Variants in SLC25A36 observed in about 807,000 individuals in gnomAD.
The protein encoded by SLC25A36 is solute carrier family 25 member 36, also known as epididymis secretory sperm binding protein.
A neutral mutation model predicts 35.3 loss-of-function variants in SLC25A36; 24 were observed. That is an observed-to-expected ratio of 0.68 (90% CI 0.49 to 0.96). SLC25A36 has a LOEUF of 0.96. Ranked by LOEUF, SLC25A36 falls within the 40% of genes least tolerant of loss-of-function variation. The pLI, the probability that SLC25A36 is intolerant of heterozygous loss-of-function variation, is 0.00. For missense variants in SLC25A36, 294 were observed against 381.1 expected (o/e 0.77, Z 1.90); for synonymous variants, 141 against 132.2 (o/e 1.07, Z -0.46).
chr3:140,976,411 G>C lies in SLC25A36; in HGVS notation c.894G>C (p.Met298Ile). The change falls in exon 7 of 7, where the codon ATG becomes ATC. Residue 298 changes from methionine to isoleucine, a missense_variant. Met to Ile is a conservative substitution (Grantham distance 10, BLOSUM62 1). This residue lies in a region of SLC25A36 where 109 missense variants were observed against 179.7 expected (regional missense o/e 0.61). Transcript: ENST00000324194. ...GACAGATTCCAAACACAGCCATTATGATGGCCACCTATGAATTGGTGGTTT... is the reference window on the plus strand; with the variant it reads ...GACAGATTCCAAACACAGCCATTATCATGGCCACCTATGAATTGGTGGTTT... Reference protein sequence around the residue: ...LVRQIPNTAIMMATYELVVYL... With the variant: ...LVRQIPNTAIIMATYELVVYL... 1.2e-6 allele frequency: 2 copies of C among 1,613,664 alleles called. No individual in the cohort carries two copies. Among genetic ancestry groups the C allele is most frequent in the Non-Finnish European group, 8.5e-7 (1 of 1,179,838 alleles).
intron 1 of SLC25A36, among the ~76,000 whole-genome samples, chr3:140,948,526 TC>T (rs1395866904): frequency 1.3e-5 from 2 of 152,164 alleles, no homozygotes; most frequent in Non-Finnish European, 2.9e-5. Flanking sequence ...AAGTAGAGTA[TC>T]ACTGTAGGCA....
chr3:140,974,117 G>A, intron 6 of SLC25A36, 112 bp downstream of exon 6: 1 of 714,638 alleles, frequency 1.4e-6, no homozygotes, highest in Admixed American at 2.9e-5. Context: ...TACAATTATT[G>A]GGAGTTCATA....
At chr3:140,950,851 A>T (rs1934299666) in intron 1 of SLC25A36, among the ~76,000 whole-genome samples, 1 of 151,922 alleles carries the variant, frequency 6.6e-6, no homozygotes, top group Non-Finnish European at 1.5e-5. Context: ...TCAGAGAATT[A>T]ACCTTCTGCC....
At chr3:140,948,529 C>T (rs1167173224) in intron 1 of SLC25A36, among the ~76,000 whole-genome samples, 4 of 152,128 alleles carry the variant, frequency 2.6e-5, no homozygotes, top group African/African-American at 9.7e-5. Flanking sequence ...TAGAGTATCA[C>T]TGTAGGCAGA....
rs971032491 is a variant in SLC25A36, at chr3:140,941,875, C to G, written c.-180C>G. 1.8e-5 allele frequency: 9 copies of G among 502,516 alleles called. No individual in the cohort carries two copies. The highest frequency in any genetic ancestry group is 2.9e-5 in the Non-Finnish European group (8 of 280,296). 31.1% of individuals were successfully genotyped at this position (502,516 alleles called of 1,614,324 possible). The stretch of plus-strand genomic sequence containing the variant: ...GGCGGCGCGCTTAGGCAGGCGGTGG[C>G]GCGGCTGGAGTGCCGCGGGGAGGGC... On this transcript the variant is annotated 5_prime_UTR_variant, in exon 1 of 7. Coordinates refer to ENST00000324194, the MANE Select transcript of SLC25A36 (RefSeq NM_001104647.3).
chr3:140,966,785 TTTC>T, intron 4 of SLC25A36: 1 of 383,162 alleles, frequency 2.6e-6, no homozygotes, highest in Non-Finnish European at 5.2e-6. Flanking sequence ...TTGATATTCC[TTTC>T]TTTTTTTTAA....
In SLC25A36 at chr3:140,963,114, ATC is replaced by A. The variant is rs1460730305; in HGVS notation, c.285-9_285-8del. On this transcript the variant is annotated splice_polypyrimidine_tract_variant and intron_variant, in intron 3 of 6. Coordinates refer to ENST00000324194, the MANE Select transcript of SLC25A36 (RefSeq NM_001104647.3). Reference sequence around the variant, plus strand: ...AGAACATGCTTATTGATAAATCTAAATCTCTATTTTAGAGCAATATACTTTGC... The same window carrying A: ...AGAACATGCTTATTGATAAATCTAAATCTATTTTAGAGCAATATACTTTGC... 2.0e-6 allele frequency: 3 copies of A among 1,495,418 alleles called. No individual in the cohort carries two copies. Among genetic ancestry groups the A allele is most frequent in the African/African-American group, 1.4e-5 (1 of 70,184 alleles). The allele number at this position is 1,495,418 out of a possible 1,614,324, so 92.6% of individuals were successfully genotyped here.
At chr3:140,961,439 A>G (rs922853882) in intron 3 of SLC25A36, among the ~76,000 whole-genome samples, 1 of 152,152 alleles carries the variant, frequency 6.6e-6, no homozygotes, top group Non-Finnish European at 1.5e-5. Flanking sequence ...TTTTCATTGT[A>G]TAAACAATGG....
intron 6 of SLC25A36, among the ~76,000 whole-genome samples, 185 bp from the exon 7 acceptor site, chr3:140,976,075 G>A (rs1935035691): frequency 6.6e-6 from 1 of 152,052 alleles, no homozygotes; most frequent in South Asian, 2.1e-4. Flanking sequence ...TAATGTACAT[G>A]ATTTTGGCCA....
chr3:140,976,444 C>T lies in SLC25A36; in HGVS notation c.927C>T (p.Leu309=), dbSNP rs751218990. ...MATYELVVYL[L]NG ...CCTATGAATTGGTGGTTTACCTACT[C>T]AATGGATAGCAGCACGAGGACTGCT... is the stretch of plus-strand genomic sequence containing the variant. Residue 309 remains leucine (L), a synonymous_variant, in exon 7 of 7, where the codon CTC becomes CTT. Coordinates refer to ENST00000324194, the MANE Select transcript of SLC25A36 (RefSeq NM_001104647.3). 13 of 1,610,490 alleles carry T rather than the reference C, an allele frequency of 8.1e-6. No individual in the cohort carries two copies. In the South Asian group the frequency reaches 1.2e-4, roughly 15 times the overall value.
intron 5 of SLC25A36, among the ~76,000 whole-genome samples, chr3:140,971,531 T>C (rs1934901770): frequency 6.6e-6 from 1 of 152,190 alleles, no homozygotes; most frequent in Non-Finnish European, 1.5e-5. Flanking sequence ...GTCTTAGAGA[T>C]GCACCAGGAA....
intron 1 of SLC25A36, among the ~76,000 whole-genome samples, chr3:140,954,139 G>A (rs1019858779): frequency 1.3e-5 from 2 of 152,108 alleles, no homozygotes; most frequent in Non-Finnish European, 2.9e-5. Flanking sequence ...TTTGCTTAAC[G>A]AGGGGGATAA....
chr3:140,965,655 A>G (rs1034880001), intron 4 of SLC25A36: 3 of 151,838 alleles, frequency 2.0e-5, no homozygotes, highest in Admixed American at 6.6e-5. Flanking sequence ...AGTGCATACT[A>G]TAAGAATTTG....
intron 5 of SLC25A36, 76 bp from the exon 6 acceptor site, chr3:140,973,640 A>G (rs1294865248): frequency 2.8e-6 from 3 of 1,072,530 alleles, no homozygotes; most frequent in Admixed American, 3.4e-5. Flanking sequence ...TTCTTTTATT[A>G]TTAGAATGAC....
chr3:140,974,135 T>G (rs1934977248), intron 6 of SLC25A36, 130 bp downstream of exon 6: 3 of 626,964 alleles, frequency 4.8e-6, no homozygotes, highest in Non-Finnish European at 8.1e-6. Flanking sequence ...ATAATGAGAT[T>G]AAATCTGGTT....
At chr3:140,947,766 T>G (rs533039865) in intron 1 of SLC25A36, among the ~76,000 whole-genome samples, 124 of 152,362 alleles carry the variant, frequency 8.1e-4, no homozygotes, top group South Asian at 4.1e-3. Flanking sequence ...CATTGCTGAC[T>G]TTTCCTAAGT....
rs1382306281 is a variant in SLC25A36 at position 140,971,012 on chromosome 3, A to T, written c.452+19A>T. 1 of 1,128,510 alleles carries T rather than the reference A, an allele frequency of 8.9e-7. No individual in the cohort carries two copies. Among genetic ancestry groups the T allele is most frequent in the Non-Finnish European group, 1.3e-6 (1 of 747,004 alleles). The allele number at this position is 1,128,510 out of a possible 1,614,324, so 69.9% of individuals were successfully genotyped here. A position where few individuals can be genotyped will look rare whatever the true frequency, so the allele number is the denominator to read the frequency against. ...ATGCAAGGTATGTTAATTCCTTAAA[A>T]TAAAATTGGTTAAAGTGGATTTAAC... On this transcript the variant is annotated intron_variant, in intron 5 of 6. Coordinates refer to ENST00000324194, the MANE Select transcript of SLC25A36 (RefSeq NM_001104647.3).
chr3:140,965,738 A>G (rs1347131179), intron 4 of SLC25A36: 1 of 151,866 alleles, frequency 6.6e-6, no homozygotes, highest in Admixed American at 6.6e-5. Context: ...ATTTAATCAG[A>G]TTAAATAATG....
chr3:140,953,427 A>G (rs1038585665), intron 1 of SLC25A36, among the ~76,000 whole-genome samples: 1 of 150,066 alleles, frequency 6.7e-6, no homozygotes, highest in Non-Finnish European at 1.5e-5. Flanking sequence ...TCAACTGCCT[A>G]TTTAAAGCTA....
Sources: allele counts gnomAD v4.1 joint callset (sites outside exome capture counted in the v4.1 genomes callset), GRCh38; gene constraint gnomAD v4.1.1; regional missense constraint gnomAD v4.1.1; transcripts MANE v1.5; gene names NCBI Gene and HGNC (gene_info 2026-07-23, HGNC 2026-07-21).